The following CD160 variants were observed in gnomAD, a reference collection of about 807,000 sequenced individuals.
CD160 encodes CD160 antigen.
Under a neutral mutation model 19.2 loss-of-function variants are expected in CD160, and 11 were observed. The observed-to-expected ratio is 0.57, with a 90% CI of 0.36 to 0.95. The LOEUF (loss-of-function observed/expected upper bound fraction) is 0.95. CD160 is among the 40% of genes least tolerant of loss of function. The pLI is 0.01. For missense variants in CD160, 182 were observed against 213.2 expected, an observed-to-expected ratio of 0.85 and a Z score of 0.91; for synonymous variants, 75 against 81.1, an observed-to-expected ratio of 0.93 and a Z score of 0.40.
rs72997764 is a variant in CD160, at chr1:145,730,688, G to C, written c.74-56G>C. ...CTTCTAGTGATAAGGAGCAGTTACG[G>C]TGAAATTCACAGAATGCTACCTGAC... On this transcript the variant is annotated intron_variant, in intron 3 of 5. Transcript: ENST00000369288. 779 of 1,445,858 alleles carry C rather than the reference G, an allele frequency of 5.4e-4. 1 individual carries two copies. The African/African-American group carries it at 8.9e-3, about 17-fold the overall frequency. The allele number at this position is 1,445,858 out of a possible 1,614,324, so 89.6% of individuals were successfully genotyped here. A position where few individuals can be genotyped will look rare whatever the true frequency, so the allele number is the denominator to read the frequency against.
At chr1:145,725,246 C>G (rs186602107) in intron 2 of CD160, among the ~76,000 whole-genome samples, 3 of 151,764 alleles carry the variant, frequency 2.0e-5, no homozygotes, top group Admixed American at 2.0e-4. Flanking sequence ...GGTGAAACCC[C>G]GTCTCTACTA....
At chr1:145,730,355 T>A (rs1161306173) in intron 3 of CD160, among the ~76,000 whole-genome samples, 2 of 152,006 alleles carry the variant, frequency 1.3e-5, no homozygotes, top group Non-Finnish European at 2.9e-5. Context: ...TCCCCGGTCA[T>A]CTAATGGTTA....
chr1:145,733,780 C>A (rs587767148), intron 4 of CD160, among the ~76,000 whole-genome samples: 6 of 152,076 alleles, frequency 3.9e-5, no homozygotes, highest in Non-Finnish European at 7.4e-5. Flanking sequence ...CATGAGTATT[C>A]CCCAAGACTC....
chr1:145,727,072 T>G (rs587603306), intron 2 of CD160, among the ~76,000 whole-genome samples: 12 of 152,288 alleles, frequency 7.9e-5, no homozygotes, highest in African/African-American at 2.9e-4. Flanking sequence ...AAATTCTTGT[T>G]TTCCCCTTTT....
intron 2 of CD160, among the ~76,000 whole-genome samples, chr1:145,725,348 G>A (rs1350817577): frequency 2.6e-5 from 4 of 152,070 alleles, no homozygotes; most frequent in Admixed American, 1.3e-4. Flanking sequence ...GGCAGGCTGA[G>A]GCAGGAGAAT....
intron 3 of CD160, among the ~76,000 whole-genome samples, chr1:145,729,099 A>G (rs587764276): frequency 6.6e-6 from 1 of 152,338 alleles, no homozygotes; most frequent in East Asian, 1.9e-4. Context: ...AAGCACTCTA[A>G]CAGAGACCCT....
chr1:145,721,651 C>A (rs368665988), intron 1 of CD160, among the ~76,000 whole-genome samples: 1 of 152,146 alleles, frequency 6.6e-6, no homozygotes, highest in African/African-American at 2.4e-5. Flanking sequence ...AGGAAACACG[C>A]CTAGAGAAGG....
At chr1:145,738,412 T>G in intron 5 of CD160, 74 bp from the exon 6 acceptor site, 2 of 1,043,386 alleles carry the variant, frequency 1.9e-6, no homozygotes, top group Non-Finnish European at 2.6e-6. Context: ...TCAGGACAGG[T>G]GAGACTTCAT....
At chr1:145,736,402 C>A (rs1439657829) in intron 5 of CD160, 1 of 737,730 alleles carries the variant, frequency 1.4e-6, no homozygotes. Context: ...CAAGTTAGTA[C>A]AACTACCTCT....
In CD160 at chr1:145,730,369, G is replaced by GA. The variant is rs1177911837; in HGVS notation, c.74-367dup. Among the ~76,000 whole-genome samples, 6 of 152,012 alleles carry GA rather than the reference G, an allele frequency of 3.9e-5. No individual in the cohort carries two copies. In the South Asian group the frequency reaches 1.3e-3, roughly 32 times the overall value. On this transcript the variant is annotated intron_variant, in intron 3 of 5. Transcript: ENST00000369288. ...ATCCCCGGTCATCTAATGGTTAGGG[G>GA]AAAAAAAAGTTCTGACAGTAGGGCT...
intron 3 of CD160, among the ~76,000 whole-genome samples, chr1:145,729,203 T>C (rs1443929213): frequency 2.6e-5 from 4 of 152,218 alleles, no homozygotes; most frequent in African/African-American, 7.2e-5. Context: ...ATATGGGTCT[T>C]GGAAGACCCA....
intron 3 of CD160, among the ~76,000 whole-genome samples, chr1:145,729,430 G>A (rs189869458): frequency 2.0e-5 from 3 of 152,288 alleles, no homozygotes; most frequent in Admixed American, 6.5e-5. Context: ...GCAGAGAGCT[G>A]GATTTAACCG....
chr1:145,737,303 TAC>T (rs1657536509), intron 5 of CD160: 1 of 150,098 alleles, frequency 6.7e-6, no homozygotes, highest in Non-Finnish European at 1.5e-5. Flanking sequence ...CAGCAATTAA[TAC>T]AGATCCTTCT....
intron 3 of CD160, among the ~76,000 whole-genome samples, chr1:145,730,307 A>G (rs139596923): frequency 4.2e-4 from 64 of 152,264 alleles, no homozygotes; most frequent in African/African-American, 1.3e-3. Context: ...GTGACACAGC[A>G]AGACCTTGTT....
intron 2 of CD160, among the ~76,000 whole-genome samples, chr1:145,726,438 A>G (rs1657052604): frequency 1.3e-5 from 2 of 152,230 alleles, no homozygotes; most frequent in African/African-American, 2.4e-5. Context: ...GCAGGGACAT[A>G]GATGAAGCTG....
chr1:145,736,234 C>A (rs782347809), intron 5 of CD160, 100 bp downstream of exon 5: 1 of 1,581,580 alleles, frequency 6.3e-7, no homozygotes, highest in South Asian at 1.1e-5. Flanking sequence ...GAAAGGATGT[C>A]CAGGGGGAGA....
In CD160 at chr1:145,730,940, A is replaced by G. The variant is rs1553709116; in HGVS notation, c.270A>G (p.Glu90=). ...ATCCTGGGATAGATGGTGTTGGTGA[A>G]ATATCATCTCAGTTGATGTTCACCA... ...KRDPGIDGVG[E]ISSQLMFTIS... is the part of the protein sequence containing the mutation. The change falls in exon 4 of 6, where the codon GAA becomes GAG. Residue 90 remains glutamate, a synonymous_variant. Transcript: ENST00000369288. 9 of 1,614,142 alleles carry G rather than the reference A, an allele frequency of 5.6e-6. No homozygotes were observed. The highest frequency in any genetic ancestry group is 6.8e-6 in the Non-Finnish European group (8 of 1,180,000).
At chr1:145,728,881 G>A (rs1657171047) in intron 3 of CD160, among the ~76,000 whole-genome samples, 1 of 152,104 alleles carries the variant, frequency 6.6e-6, no homozygotes, top group South Asian at 2.1e-4. Context: ...ATGTTTCAAA[G>A]AGCCTGGCAA....
chr1:145,723,029 C>T (rs1259921869), intron 1 of CD160, among the ~76,000 whole-genome samples: 6 of 152,042 alleles, frequency 3.9e-5, no homozygotes, highest in Non-Finnish European at 7.4e-5. Flanking sequence ...AATGATTTGT[C>T]ATTTTATTCA....
Sources: allele counts gnomAD v4.1 joint callset (sites outside exome capture counted in the v4.1 genomes callset), GRCh38; gene constraint gnomAD v4.1.1; transcripts MANE v1.5; gene names NCBI Gene and HGNC (gene_info 2026-07-23, HGNC 2026-07-21).